The following STRN variants were observed in gnomAD, a reference collection of about 807,000 sequenced individuals.
STRN encodes the protein striatin.
Under a neutral mutation model 96.3 loss-of-function variants are expected in STRN, and 53 were observed. That is an observed-to-expected ratio of 0.55 (90% CI 0.44 to 0.69). STRN has a LOEUF of 0.69. STRN is among the 30% of genes least tolerant of loss of function. The pLI is 0.00. For missense variants in STRN, 987 were observed against 963.9 expected (o/e 1.02, Z -0.32); for synonymous variants, 428 against 355.9 (o/e 1.20, Z -2.28).
chr2:36,899,414 A>G, intron 6 of STRN, 109 bp downstream of exon 6: 1 of 1,094,550 alleles, frequency 9.1e-7, no homozygotes, highest in South Asian at 3.5e-5. Context: ...AATTCATGAA[A>G]AAGAAAAAGC....
At chr2:36,867,570 TA>T (rs1668661430) in intron 12 of STRN, 1 of 284,428 alleles carries the variant, frequency 3.5e-6, no homozygotes, top group African/African-American at 2.2e-5. Flanking sequence ...TAGTTGGCTC[TA>T]GTTTAAAGAT....
intron 12 of STRN, among the ~76,000 whole-genome samples, chr2:36,861,680 C>A (rs1668484358): frequency 1.3e-5 from 2 of 151,724 alleles, no homozygotes; most frequent in African/African-American, 2.4e-5. Context: ...AGAGAAAAGG[C>A]ACATTCCTTA....
intron 1 of STRN, among the ~76,000 whole-genome samples, chr2:36,927,991 G>A (rs1322210802): frequency 1.3e-5 from 2 of 152,082 alleles, no homozygotes; most frequent in African/African-American, 4.8e-5. Context: ...TTAAATAAAT[G>A]AATATAATTG....
Position 36,869,678 on chromosome 2 carries a change from A to G in STRN, c.1375T>C (p.Leu459=). 1.2e-6 allele frequency: 2 copies of G among 1,612,044 alleles called. No homozygotes were observed. Among genetic ancestry groups the G allele is most frequent in the Non-Finnish European group, 1.7e-6 (2 of 1,179,058 alleles). ...LRKTWNPKFT[L]RSHFDGIRAL... ...CGGATGCCATCAAAGTGACTTCTCAATGTAAACTTAGGGTTCCATGTCTTC... is the reference window on the plus strand; with the variant it reads ...CGGATGCCATCAAAGTGACTTCTCAGTGTAAACTTAGGGTTCCATGTCTTC... Residue 459 remains leucine, a synonymous_variant, in exon 11 of 18, where the codon TTG becomes CTG. Transcript: ENST00000263918.
intron 1 of STRN, among the ~76,000 whole-genome samples, chr2:36,945,205 T>A (rs1324835015): frequency 6.6e-6 from 1 of 152,058 alleles, no homozygotes; most frequent in East Asian, 1.9e-4. Context: ...TAAAGATACT[T>A]TTTTAAAAGA....
chr2:36,857,817 T>A (rs750894022), intron 14 of STRN, 39 bp downstream of exon 14: 1 of 1,545,556 alleles, frequency 6.5e-7, no homozygotes, highest in Non-Finnish European at 8.9e-7. Flanking sequence ...TAAACTGTTT[T>A]ATAGAGGATT....
chr2:36,888,298 T>C lies in STRN; in HGVS notation c.932-1472A>G, dbSNP rs550247538. Among the ~76,000 whole-genome samples the C allele has an allele frequency of 6.6e-5, 10 of 152,306 alleles. No homozygotes were observed. In the South Asian group the frequency reaches 2.1e-3, roughly 32 times the overall value. ...TTCCCTGTGTAGTCTATTCTCAATG[T>C]AGCAGCCAAAGATGGTTTAAAATAA... is the stretch of plus-strand genomic sequence containing the variant. On this transcript the variant is annotated intron_variant, in intron 7 of 17. Transcript: ENST00000263918.
chr2:36,873,648 T>G (rs1668822905), intron 10 of STRN, among the ~76,000 whole-genome samples: 1 of 151,678 alleles, frequency 6.6e-6, no homozygotes, highest in Admixed American at 6.6e-5. Context: ...GTAAACAATC[T>G]AAAAAAAAGA....
At chr2:36,946,297 A>G (rs1670983095) in intron 1 of STRN, among the ~76,000 whole-genome samples, 1 of 152,188 alleles carries the variant, frequency 6.6e-6, no homozygotes, top group African/African-American at 2.4e-5. Flanking sequence ...GAGAAATAAT[A>G]AAGTATTTCT....
chr2:36,841,913 GT>G lies in STRN; in HGVS notation c.*7542del. 1 of 152,228 alleles carries G rather than the reference GT, an allele frequency of 6.6e-6. No individual in the cohort carries two copies. The highest frequency in any genetic ancestry group is 1.9e-4 in the East Asian group (1 of 5,202). The allele number at this position is 152,228 out of a possible 1,614,324, so 9.4% of individuals were successfully genotyped here. A position where few individuals can be genotyped will look rare whatever the true frequency, so the allele number is the denominator to read the frequency against. On this transcript the variant is annotated 3_prime_UTR_variant, in exon 18 of 18. Transcript: ENST00000263918. ...CATTGAAGTTGAAATGGAAGACAATGTGGCTCAGGCCACAGGGTCAGTTGCT... is the reference window on the plus strand; with the variant it reads ...CATTGAAGTTGAAATGGAAGACAATGGGCTCAGGCCACAGGGTCAGTTGCT...
intron 2 of STRN, among the ~76,000 whole-genome samples, chr2:36,918,785 T>C (rs1029292296): frequency 3.9e-5 from 6 of 152,218 alleles, no homozygotes; most frequent in Non-Finnish European, 5.9e-5. Flanking sequence ...TAAGTCAATA[T>C]GTGAAAATAC....
intron 8 of STRN, among the ~76,000 whole-genome samples, chr2:36,886,072 C>G (rs556650215): frequency 1.3e-5 from 2 of 152,054 alleles, no homozygotes; most frequent in East Asian, 3.9e-4. Flanking sequence ...ATTCACAGGG[C>G]TAGAAATTTC....
intron 12 of STRN, among the ~76,000 whole-genome samples, chr2:36,867,172 G>C (rs1233382305): frequency 6.6e-6 from 1 of 152,034 alleles, no homozygotes; most frequent in Non-Finnish European, 1.5e-5. Context: ...ATATTCTTTT[G>C]TTTCCATGTT....
intron 3 of STRN, among the ~76,000 whole-genome samples, chr2:36,910,113 CAGTGA>C (rs1259366000): frequency 6.8e-6 from 1 of 146,940 alleles, no homozygotes. Flanking sequence ...GCGGAGGCTG[CAGTGA>C]GCCGAGATCG....
chr2:36,937,545 C>T (rs565542534), intron 1 of STRN, among the ~76,000 whole-genome samples: 321 of 151,846 alleles, frequency 2.1e-3, no homozygotes, highest in African/African-American at 7.4e-3. Flanking sequence ...TGGTGCACAC[C>T]TGTAGTCTCA....
intron 1 of STRN, among the ~76,000 whole-genome samples, chr2:36,945,322 C>G (rs1171936472): frequency 6.6e-6 from 1 of 152,164 alleles, no homozygotes; most frequent in African/African-American, 2.4e-5. Flanking sequence ...ACTTAATTCT[C>G]TGTACCTGAG....
At chr2:36,878,971 G>A (rs543297720) in intron 9 of STRN, among the ~76,000 whole-genome samples, 9 of 148,462 alleles carry the variant, frequency 6.1e-5, no homozygotes, top group South Asian at 4.3e-4. Flanking sequence ...CAGGCTGGTC[G>A]TGAACTCCTG....
At chr2:36,852,833 G>C (rs1297063882) in intron 15 of STRN, among the ~76,000 whole-genome samples, 1 of 152,264 alleles carries the variant, frequency 6.6e-6, no homozygotes, top group Admixed American at 6.5e-5. Flanking sequence ...CCCAATGCTA[G>C]TGGCAGGTAA....
rs1018514439 is a variant in STRN, at chr2:36,966,358, C to T, written c.106G>A (p.Gly36Arg). Residue 36 changes from glycine to arginine, a missense_variant, in exon 1 of 18, where the codon GGG becomes AGG. Gly to Arg is a moderately radical substitution (Grantham distance 125). Transcript: ENST00000263918. ...PLAEAAAAGD[G>R]AAAAGAARAQ... ...CGGGCCGCCCCCGCCGCAGCCGCCC[C>T]GTCGCCGGCCGCGGCAGCCTCCGCC... The T allele has an allele frequency of 1.4e-6, 2 of 1,471,666 alleles. No homozygotes were observed. Among genetic ancestry groups the T allele is most frequent in the African/African-American group, 1.5e-5 (1 of 68,182 alleles). 91.2% of individuals were successfully genotyped at this position (1,471,666 alleles called of 1,614,324 possible).
Sources: gnomAD v4.1 joint callset for allele counts (sites outside exome capture counted in the v4.1 genomes callset) on GRCh38, gnomAD v4.1.1 for gene constraint, MANE v1.5 for transcripts, NCBI Gene and HGNC (gene_info 2026-07-23, HGNC 2026-07-21) for gene names.